Variants in KCNIP4 observed in about 807,000 individuals in gnomAD.
KCNIP4 encodes Kv channel-interacting protein 4.
A neutral mutation model predicts 34.0 loss-of-function variants in KCNIP4; 12 were observed. The observed-to-expected ratio is 0.35, with a 90% CI of 0.23 to 0.57. The LOEUF is 0.57. KCNIP4 is among the 20% of genes least tolerant of loss of function. KCNIP4 has a pLI of 0.83. For missense variants in KCNIP4, 238 were observed against 311.7 expected, an observed-to-expected ratio of 0.76 and a Z score of 1.78; for synonymous variants, 124 against 102.2, an observed-to-expected ratio of 1.21 and a Z score of -1.29.
intron 3 of KCNIP4, among the ~76,000 whole-genome samples, chr4:20,825,318 T>C (rs1717625983): frequency 6.7e-6 from 1 of 149,492 alleles, no homozygotes; most frequent in South Asian, 2.2e-4. Context: ...ATTAGAACAT[T>C]CCTAACTACT....
intron 1 of KCNIP4, among the ~76,000 whole-genome samples, chr4:21,861,181 C>T (rs1183152606): frequency 1.3e-5 from 2 of 152,178 alleles, no homozygotes; most frequent in Admixed American, 6.5e-5. Flanking sequence ...TCAAATATTA[C>T]AAAGTATAAC....
intron 1 of KCNIP4, among the ~76,000 whole-genome samples, chr4:21,087,191 T>TG (rs1560709074): frequency 2.0e-5 from 3 of 147,032 alleles, no homozygotes; most frequent in Non-Finnish European, 4.5e-5. Context: ...TGTGTGTGTG[T>TG]TTTGAGACAG....
chr4:21,789,574 G>A (rs1486874061), intron 1 of KCNIP4, among the ~76,000 whole-genome samples: 1 of 152,168 alleles, frequency 6.6e-6, no homozygotes, highest in Non-Finnish European at 1.5e-5. Flanking sequence ...GGTCACAGAG[G>A]GGTGGAGGTT....
intron 1 of KCNIP4, among the ~76,000 whole-genome samples, chr4:21,247,845 T>TGG (rs1340529782): frequency 3.1e-4 from 29 of 92,812 alleles, no homozygotes; most frequent in Non-Finnish European, 5.6e-4. Flanking sequence ...ACACCACAGG[T>TGG]GGAGATATAT....
intron 1 of KCNIP4, among the ~76,000 whole-genome samples, chr4:21,326,511 C>A (rs1715075528): frequency 6.6e-6 from 1 of 150,406 alleles, no homozygotes; most frequent in Non-Finnish European, 1.5e-5. Context: ...AAGTGTGTAT[C>A]TTTACAGGTG....
intron 2 of KCNIP4, among the ~76,000 whole-genome samples, chr4:20,858,397 TTG>T (rs1218679678): frequency 6.6e-6 from 1 of 152,056 alleles, no homozygotes; most frequent in Non-Finnish European, 1.5e-5. Context: ...GTCTGTGGCA[TTG>T]TGTTATGGCA....
chr4:21,477,243 T>C (rs1318952845), intron 1 of KCNIP4, among the ~76,000 whole-genome samples: 1 of 152,188 alleles, frequency 6.6e-6, no homozygotes, highest in African/African-American at 2.4e-5. Flanking sequence ...GGCTAAACTT[T>C]ATGCAGCTCC....
intron 1 of KCNIP4, among the ~76,000 whole-genome samples, chr4:21,480,497 GCAGT>G (rs1280895223): frequency 3.3e-5 from 5 of 152,094 alleles, no homozygotes; most frequent in African/African-American, 1.2e-4. Context: ...TTCATGAGAA[GCAGT>G]CAGTTTCACT....
intron 3 of KCNIP4, among the ~76,000 whole-genome samples, chr4:20,779,587 CCA>C (rs1245241913): frequency 1.6e-5 from 2 of 127,548 alleles, no homozygotes; most frequent in African/African-American, 3.0e-5. Context: ...CCCCCCCCCC[CCA>C]CACAAAAAAG....
rs1037248258 is a variant in KCNIP4, at chr4:21,925,220, T to C, written c.61+23351A>G. Among the ~76,000 whole-genome samples, 5 of 151,556 alleles carry C rather than the reference T, an allele frequency of 3.3e-5. No homozygotes were observed. In the East Asian group the frequency reaches 5.9e-4, roughly 18 times the overall value. On this transcript the variant is annotated intron_variant, in intron 1 of 8. Transcript: ENST00000382152. The stretch of plus-strand genomic sequence containing the variant: ...TTTACATTAGGTATATCTCCTAATG[T>C]TATCCCTTCCCCCTCCCCCCACCCC...
intron 1 of KCNIP4, among the ~76,000 whole-genome samples, chr4:21,912,490 A>G (rs1226725364): frequency 6.6e-6 from 1 of 152,214 alleles, no homozygotes; most frequent in Non-Finnish European, 1.5e-5. Flanking sequence ...TGAAGTAAGC[A>G]CAATTTTAAA....
chr4:20,947,752 A>C (rs1273404352), intron 1 of KCNIP4, among the ~76,000 whole-genome samples: 1 of 152,252 alleles, frequency 6.6e-6, no homozygotes, highest in Non-Finnish European at 1.5e-5. Context: ...TGAAATTGTT[A>C]ATATGTACTG....
intron 1 of KCNIP4, among the ~76,000 whole-genome samples, chr4:21,568,952 T>C (rs557416809): frequency 1.3e-5 from 2 of 152,038 alleles, no homozygotes; most frequent in African/African-American, 2.4e-5. Flanking sequence ...TTCTTCTTCA[T>C]GGCAAGGAAT....
chr4:20,864,187 C>T (rs1257417467), intron 2 of KCNIP4, among the ~76,000 whole-genome samples: 16 of 70,318 alleles, frequency 2.3e-4, no homozygotes, highest in East Asian at 5.6e-4. Flanking sequence ...TGTATGTATG[C>T]GTACATATGT....
At chr4:21,208,416 T>C (rs1757001716) in intron 1 of KCNIP4, among the ~76,000 whole-genome samples, 1 of 152,158 alleles carries the variant, frequency 6.6e-6, no homozygotes, top group Admixed American at 6.5e-5. Context: ...ATACCTATAA[T>C]CCCCTCCAAA....
chr4:21,003,025 C>T (rs1173732449), intron 1 of KCNIP4, among the ~76,000 whole-genome samples: 1 of 152,112 alleles, frequency 6.6e-6, no homozygotes, highest in African/African-American at 2.4e-5. Context: ...TTCTAGCTAG[C>T]ATCATAATGA....
At chr4:20,887,031 TAAGTA>T (rs1359742945) in intron 1 of KCNIP4, among the ~76,000 whole-genome samples, 11 of 151,878 alleles carry the variant, frequency 7.2e-5, no homozygotes, top group Admixed American at 5.9e-4. Context: ...ATAGTCATAA[TAAGTA>T]AAGAAAAAAG....
chr4:21,849,640 T>C (rs1724245962), intron 1 of KCNIP4: 1 of 152,090 alleles, frequency 6.6e-6, no homozygotes, highest in Non-Finnish European at 1.5e-5. Context: ...TACAAAATGA[T>C]GGCAATAATT....
chr4:21,094,749 T>C (rs535604594), intron 1 of KCNIP4, among the ~76,000 whole-genome samples: 24 of 152,292 alleles, frequency 1.6e-4, no homozygotes, highest in South Asian at 8.3e-4. Flanking sequence ...AGCTGCCACA[T>C]TGTGAGGAAA....
Sources: allele counts gnomAD v4.1 joint callset (sites outside exome capture counted in the v4.1 genomes callset), GRCh38; gene constraint gnomAD v4.1.1; transcripts MANE v1.5; gene names NCBI Gene and HGNC (gene_info 2026-07-23, HGNC 2026-07-21).